The following RYR1 variants were observed in gnomAD, a reference collection of about 807,000 sequenced individuals.
RYR1 encodes the protein ryanodine receptor 1.
In RYR1, 342 loss-of-function variants were observed where a neutral mutation model predicts 583.5. The observed-to-expected ratio is 0.59, with a 90% CI of 0.54 to 0.64. The LOEUF is 0.64. Ranked by LOEUF, RYR1 falls within the 30% of genes least tolerant of loss-of-function variation. The probability of loss-of-function intolerance (pLI) is 0.00; values close to 1 mark genes in which losing one functional copy is unlikely to be tolerated. For synonymous variants in RYR1, 2,791 were observed against 2,822.5 expected (o/e 0.99, Z 0.35); for missense variants, 6,032 against 6,917.2 (o/e 0.87, Z 4.54).
In RYR1 at chr19:38,561,056, A is replaced by AAG. The variant is rs200718174; in HGVS notation, c.12283-49_12283-48dup. On this transcript the variant is annotated intron_variant, in intron 89 of 105. Coordinates refer to ENST00000359596, the MANE Select transcript of RYR1 (RefSeq NM_000540.3). The surrounding 1 kb of genome is among the most constrained non-coding windows in gnomAD (Gnocchi z 4.8). ...ACCTTGTCTTAAAAAAAAAAAAAAA[A>AAG]AGAGAGAGAATTGAGGCTCTCCAGG... is the stretch of plus-strand genomic sequence containing the variant. The AAG allele has an allele frequency of 3.5e-5, 49 of 1,404,612 alleles. No homozygotes were observed. In the East Asian group the frequency reaches 6.3e-4, roughly 18 times the overall value. The allele number at this position is 1,404,612 out of a possible 1,614,324, so 87.0% of individuals were successfully genotyped here.
At chr19:38,457,401 C>T (rs561625726) in intron 16 of RYR1, 96 bp from the exon 17 acceptor site, 2 of 1,565,542 alleles carry the variant, frequency 1.3e-6, no homozygotes, top group East Asian at 2.2e-5. Flanking sequence ...TCCCGATGCG[C>T]TGTCCTTTCC....
intron 76 of RYR1, among the ~76,000 whole-genome samples, chr19:38,530,256 C>CT (rs1411623446): frequency 6.6e-6 from 1 of 151,052 alleles, no homozygotes; most frequent in Non-Finnish European, 1.5e-5. Flanking sequence ...ACCTGGCCTA[C>CT]TTTTTTATTT....
chr19:38,562,801 T>C (rs1351283062), intron 90 of RYR1, among the ~76,000 whole-genome samples: 2 of 152,158 alleles, frequency 1.3e-5, no homozygotes, highest in African/African-American at 2.4e-5. Context: ...CCTCTCGTGG[T>C]TGCACACTTT....
At chr19:38,521,028 A>G (rs188719166) in intron 67 of RYR1, among the ~76,000 whole-genome samples, 140 of 152,334 alleles carry the variant, frequency 9.2e-4, no homozygotes, top group African/African-American at 3.2e-3. Context: ...TAATCCCAGC[A>G]CTTTGAGAGA....
At position 38,572,259 on chromosome 19, in the gene RYR1, A is replaced by G; in HGVS notation, c.13987A>G (p.Asn4663Asp). The stretch of plus-strand genomic sequence containing the variant: ...GGCCTTTCTCTGCATCATTGGCTAT[A>G]ATTGTCTCAAGGTGGGCCCATGGCC... The part of the protein sequence containing the change: ...LVAFLCIIGY[N>D]CLKVPLVIFK... Residue 4663 changes from asparagine to aspartate, a missense_variant, in exon 95 of 106, where the codon AAT (asparagine) becomes GAT (aspartate). This residue lies in a region of RYR1 where 188 missense variants were observed against 215.6 expected (regional missense o/e 0.87). Transcript: ENST00000359596. The G allele has an allele frequency of 1.4e-6, 2 of 1,385,366 alleles. No individual in the cohort carries two copies. The highest frequency in any genetic ancestry group is 1.9e-6 in the Non-Finnish European group (2 of 1,039,802). The allele number at this position is 1,385,366 out of a possible 1,614,324, so 85.8% of individuals were successfully genotyped here. A position where few individuals can be genotyped will look rare whatever the true frequency, so the allele number is the denominator to read the frequency against.
In RYR1 at chr19:38,570,344, C is replaced by T. The variant is rs140915822; in HGVS notation, c.13660-263C>T. Among the ~76,000 whole-genome samples, 682 of 150,314 alleles carry T rather than the reference C, an allele frequency of 4.5e-3. 3 individuals are homozygous for T. The highest frequency in any genetic ancestry group is 0.014 in the African/African-American group (577 of 40,748). ...GCACACGCCTGTAGTCCCAGCTACT[C>T]GGGAGGCGGCAGCAGAGGAATTGCT... is the stretch of plus-strand genomic sequence containing the variant. On this transcript the variant is annotated intron_variant, in intron 93 of 105. Transcript: ENST00000359596.
chr19:38,521,955 G>A lies in RYR1; in HGVS notation c.10260-1073G>A, dbSNP rs546557731. 9.5e-4 allele frequency among the ~76,000 whole-genome samples: 144 copies of A among 151,948 alleles called. 1 individual carries two copies. The highest frequency in any genetic ancestry group is 1.6e-3 in the African/African-American group (65 of 41,482). ...GATCTCCTGACCTCGTGATCTGCCC[G>A]CCTCGGCCTCCCAAAGTGCTGGGAT... On this transcript the variant is annotated intron_variant, in intron 67 of 105. Transcript: ENST00000359596.
intron 84 of RYR1, among the ~76,000 whole-genome samples, chr19:38,542,910 C>T (rs1291368183): frequency 1.4e-5 from 2 of 147,886 alleles, no homozygotes; most frequent in Non-Finnish European, 3.0e-5. Context: ...GGTGAGATCT[C>T]CACTCACTGC....
rs200766617 is a variant in RYR1, at chr19:38,575,957, G to A, written c.14168G>A (p.Arg4723His). 159 of 1,614,054 alleles carry A rather than the reference G, an allele frequency of 9.9e-5. No individual in the cohort carries two copies. Among genetic ancestry groups the A allele is most frequent in the Non-Finnish European group, 1.1e-4 (125 of 1,180,040 alleles). ...PSNYWDKFVKRKVLDKHGDIY... is the reference protein window; with the variant it reads ...PSNYWDKFVKHKVLDKHGDIY... ...AACTACTGGGACAAGTTTGTCAAGC[G>A]CAAGGTGAGAGGACATGGATGCCCT... The change falls in exon 97 of 106, where the codon CGC (arginine) becomes CAC (histidine). Residue 4723 changes from arginine (R) to histidine (H), a missense_variant. By Grantham distance (29) the Arg-to-His change is conservative (BLOSUM62 0). This residue lies in a region of RYR1 where 188 missense variants were observed against 215.6 expected (regional missense o/e 0.87). Coordinates refer to ENST00000359596, the MANE Select transcript of RYR1 (RefSeq NM_000540.3).
intron 1 of RYR1, among the ~76,000 whole-genome samples, chr19:38,437,368 A>G (rs1440938743): frequency 6.6e-6 from 1 of 152,074 alleles, no homozygotes; most frequent in African/African-American, 2.4e-5. Context: ...ATTCTAATTC[A>G]GGAAAAGTTT....
chr19:38,523,010 C>A lies in RYR1; in HGVS notation c.10260-18C>A, dbSNP rs1203975444. On this transcript the variant is annotated intron_variant, in intron 67 of 105. Coordinates refer to ENST00000359596, the MANE Select transcript of RYR1 (RefSeq NM_000540.3). ...GGGATCCCCACCCCCTCCCTCACCT[C>A]CCCTCCGCTGACCCCAGGGCGCAGT... The A allele has an allele frequency of 6.4e-7, 1 of 1,566,210 alleles. No homozygotes were observed. The highest frequency in any genetic ancestry group is 8.6e-7 in the Non-Finnish European group (1 of 1,156,184).
intron 1 of RYR1, among the ~76,000 whole-genome samples, chr19:38,439,810 A>G (rs1972590274): frequency 1.3e-5 from 2 of 152,158 alleles, no homozygotes; most frequent in Non-Finnish European, 2.9e-5. Flanking sequence ...CCCGGACTCA[A>G]TACTGTCCTT....
Position 38,448,695 on chromosome 19 carries a change from C to T in RYR1, c.1004C>T (p.Pro335Leu), listed in dbSNP as rs1166113530. Reference sequence around the variant, plus strand: ...AAGCGGGATGTGGAGGGCATGGGCCCCCCTGAGATCAAGTACGGGGAGTCA... The same window carrying T: ...AAGCGGGATGTGGAGGGCATGGGCCTCCCTGAGATCAAGTACGGGGAGTCA... ...APKRDVEGMG[P>L]PEIKYGESLC... Residue 335 changes from proline (P) to leucine (L), a missense_variant, in exon 11 of 106, where the codon CCC (proline) becomes CTC (leucine). Pro to Leu is a moderately conservative substitution (Grantham distance 98, BLOSUM62 -3). Coordinates refer to ENST00000359596, the MANE Select transcript of RYR1 (RefSeq NM_000540.3). 2.5e-6 allele frequency: 4 copies of T among 1,614,094 alleles called. No homozygotes were observed. Among genetic ancestry groups the T allele is most frequent in the Middle Eastern group, 1.6e-4 (1 of 6,084 alleles).
Position 38,460,573 on chromosome 19 carries a change from C to A in RYR1, c.2559C>A (p.Cys853Ter). The A allele has an allele frequency of 1.2e-6, 2 of 1,612,552 alleles. No homozygotes were observed. The highest frequency in any genetic ancestry group is 1.7e-6 in the Non-Finnish European group (2 of 1,180,000). ...TCTCACACACCGACTTCGTGCCCTG[C>A]CCTGTGGACACTGTCCAGGTACTGC... ...RCLSHTDFVPCPVDTVQIVLP... is the reference protein window; with the variant it reads ...RCLSHTDFVP The change falls in exon 20 of 106, where the codon TGC becomes TGA. Residue 853 changes from cysteine (C) to a stop codon, truncating the protein, a stop_gained. Coordinates refer to ENST00000359596, the MANE Select transcript of RYR1 (RefSeq NM_000540.3). LOFTEE classifies it high-confidence loss of function.
At chr19:38,515,182 G>A (rs2145673600) in intron 64 of RYR1, 75 bp downstream of exon 64, 1 of 1,085,730 alleles carries the variant, frequency 9.2e-7, no homozygotes, top group Non-Finnish European at 1.4e-6. Flanking sequence ...AGAAGATGGG[G>A]TGGGTGAAAA....
chr19:38,567,881 C>A lies in RYR1; in HGVS notation c.13623C>A (p.Phe4541Leu). The change falls in exon 93 of 106, where the codon TTC becomes TTA. Residue 4541 changes from phenylalanine (F) to leucine (L), a missense_variant. By Grantham distance (22) the Phe-to-Leu change is conservative. Around this residue, in one of 11 missense-constraint regions of RYR1, gnomAD observed 753 missense variants for 759.6 expected, o/e 0.99. Transcript: ENST00000359596. ...AGAAGGAGGAAGCTGGAGGCGAATTCTGGGGAGAACTGGAGGTGCAGAGGG... is the reference window on the plus strand; with the variant it reads ...AGAAGGAGGAAGCTGGAGGCGAATTATGGGGAGAACTGGAGGTGCAGAGGG... Reference protein sequence around the residue: ...PPKKEEAGGEFWGELEVQRVK... With the variant: ...PPKKEEAGGELWGELEVQRVK... 1 of 1,613,894 alleles carries A rather than the reference C, an allele frequency of 6.2e-7. No individual in the cohort carries two copies.
chr19:38,441,249 G>A lies in RYR1; in HGVS notation c.165+385G>A, dbSNP rs1415983798. Among the ~76,000 whole-genome samples, 4 of 148,350 alleles carry A rather than the reference G, an allele frequency of 2.7e-5. No individual in the cohort carries two copies. The East Asian group carries it at 8.1e-4, about 30-fold the overall frequency. On this transcript the variant is annotated intron_variant, in intron 2 of 105. Coordinates refer to ENST00000359596, the MANE Select transcript of RYR1 (RefSeq NM_000540.3). ...CAGGAGGGAGGAGCAGGGAAACTGAGGGACGGCTGGGGCGTGGGGAGGGGG... is the reference window on the plus strand; with the variant it reads ...CAGGAGGGAGGAGCAGGGAAACTGAAGGACGGCTGGGGCGTGGGGAGGGGG...
chr19:38,480,843 C>T (rs1366132694), intron 31 of RYR1, among the ~76,000 whole-genome samples: 2 of 151,754 alleles, frequency 1.3e-5, no homozygotes, highest in East Asian at 3.9e-4. Context: ...CTCCCGGGCT[C>T]AAGCCTCCTA....
In RYR1 at chr19:38,580,033, A is replaced by G. The variant is rs886039586; in HGVS notation, c.14416A>G (p.Asn4806Asp). The G allele has an allele frequency of 1.2e-6, 2 of 1,614,108 alleles. No homozygotes were observed. The highest frequency in any genetic ancestry group is 1.1e-5 in the South Asian group (1 of 91,080). The change falls in exon 100 of 106, where the codon AAC (asparagine) becomes GAC (aspartate). Residue 4806 changes from asparagine (N) to aspartate (D), a missense_variant. This residue lies in a region of RYR1 where 189 missense variants were observed against 350.3 expected (regional missense o/e 0.54). Coordinates refer to ENST00000359596, the MANE Select transcript of RYR1 (RefSeq NM_000540.3). ...GGTGATGTCCCTCTTGGGACACTACAACAACTTCTTCTTTGCTGCCCATCT... is the reference window on the plus strand; with the variant it reads ...GGTGATGTCCCTCTTGGGACACTACGACAACTTCTTCTTTGCTGCCCATCT... ...YMVMSLLGHY[N>D]NFFFAAHLLD...
Sources: gnomAD v4.1 joint callset for allele counts (sites outside exome capture counted in the v4.1 genomes callset) on GRCh38, gnomAD v4.1.1 for gene constraint, gnomAD v4.1.1 regional missense constraint, Gnocchi (gnomAD v3.1) non-coding constraint, MANE v1.5 for transcripts, NCBI Gene and HGNC (gene_info 2026-07-23, HGNC 2026-07-21) for gene names.